Variants in CHD9 observed in about 807,000 individuals in gnomAD.
CHD9 encodes chromodomain helicase DNA binding protein 9.
In CHD9, 77 loss-of-function variants were observed where a neutral mutation model predicts 316.1. The observed-to-expected ratio is 0.24, with a 90% CI of 0.20 to 0.29. CHD9 has a LOEUF of 0.29. Ranked by LOEUF, CHD9 falls within the 10% of genes least tolerant of loss-of-function variation. The pLI, the probability that CHD9 is intolerant of heterozygous loss-of-function variation, is 1.00. For missense variants in CHD9, 2,763 were observed against 3,438.1 expected (o/e 0.80, Z 4.91); for synonymous variants, 1,129 against 1,158.3 (o/e 0.97, Z 0.51).
At chr16:53,071,591 G>T (rs1461024075) in intron 1 of CHD9, among the ~76,000 whole-genome samples, 2 of 152,156 alleles carry the variant, frequency 1.3e-5, no homozygotes, top group Non-Finnish European at 2.9e-5. Flanking sequence ...TTCCCAGAAA[G>T]TGATTCTGAG....
At chr16:53,154,219 T>G (rs1178153581) in intron 1 of CHD9, among the ~76,000 whole-genome samples, 3 of 152,206 alleles carry the variant, frequency 2.0e-5, no homozygotes, top group Non-Finnish European at 4.4e-5. Context: ...TATCCTAAAT[T>G]TAAATTTTCA....
At chr16:53,146,250 G>A (rs112634488) in intron 1 of CHD9, among the ~76,000 whole-genome samples, 4,558 of 144,530 alleles carry the variant, frequency 0.032, 90 homozygotes, top group Middle Eastern at 0.067. Flanking sequence ...AAAATTAGTC[G>A]GGCATTGTGA....
chr16:53,127,977 G>A (rs1042553423), intron 1 of CHD9, among the ~76,000 whole-genome samples: 1 of 150,470 alleles, frequency 6.6e-6, no homozygotes, highest in Non-Finnish European at 1.5e-5. Flanking sequence ...CTCATAGAGT[G>A]GTTGTGAAGA....
chr16:53,280,329 T>G (rs1374562723), intron 24 of CHD9, among the ~76,000 whole-genome samples: 1 of 152,178 alleles, frequency 6.6e-6, no homozygotes, highest in African/African-American at 2.4e-5. Context: ...GTATATATGA[T>G]GGAATACTAC....
chr16:53,124,185 C>A (rs1252267172), intron 1 of CHD9, among the ~76,000 whole-genome samples: 1 of 152,158 alleles, frequency 6.6e-6, no homozygotes, highest in African/African-American at 2.4e-5. Flanking sequence ...ACATTCCCAC[C>A]AGCAGTGTAC....
intron 15 of CHD9, among the ~76,000 whole-genome samples, chr16:53,246,286 C>T (rs1033889268): frequency 6.6e-6 from 1 of 152,136 alleles, no homozygotes; most frequent in Non-Finnish European, 1.5e-5. Flanking sequence ...GGGTTTTTCA[C>T]TTATTCTTGG....
chr16:53,163,064 T>TA (rs1192793541), intron 2 of CHD9, among the ~76,000 whole-genome samples: 4 of 152,088 alleles, frequency 2.6e-5, no homozygotes, highest in Non-Finnish European at 5.9e-5. Context: ...ATGGTTGTTA[T>TA]AAAAAAATGG....
Position 53,169,732 on chromosome 16 carries a change from A to G in CHD9, c.1452+12191A>G, listed in dbSNP as rs2042541205. Among the ~76,000 whole-genome samples the G allele has an allele frequency of 1.3e-5, 2 of 152,182 alleles. 1 individual carries two copies. Among genetic ancestry groups the G allele is most frequent in the South Asian group, 4.1e-4 (2 of 4,832 alleles). ...CTTTAGAATGGGAACATTCACCTCCATGAATATAAGACTTTTACCACAACC... is the reference window on the plus strand; with the variant it reads ...CTTTAGAATGGGAACATTCACCTCCGTGAATATAAGACTTTTACCACAACC... On this transcript the variant is annotated intron_variant, in intron 2 of 38. Transcript: ENST00000447540.
intron 1 of CHD9, among the ~76,000 whole-genome samples, chr16:53,129,996 T>C (rs2039147055): frequency 6.6e-6 from 1 of 152,164 alleles, no homozygotes; most frequent in Non-Finnish European, 1.5e-5. Context: ...CCCCTGCTCC[T>C]AAACCAGTAT....
intron 1 of CHD9, among the ~76,000 whole-genome samples, chr16:53,149,380 C>T (rs527475480): frequency 6.6e-6 from 1 of 152,226 alleles, no homozygotes; most frequent in African/African-American, 2.4e-5. Flanking sequence ...GTAGAACTTT[C>T]TACAACTATA....
chr16:53,079,358 A>C (rs1039751066), intron 1 of CHD9, among the ~76,000 whole-genome samples: 1 of 152,196 alleles, frequency 6.6e-6, no homozygotes, highest in African/African-American at 2.4e-5. Context: ...GTTGGATTGA[A>C]CCAATGACTT....
At chr16:53,218,637 C>T (rs1347697147) in intron 3 of CHD9, among the ~76,000 whole-genome samples, 1 of 152,134 alleles carries the variant, frequency 6.6e-6, no homozygotes, top group Non-Finnish European at 1.5e-5. Context: ...CCTCTCATTT[C>T]ATTGAAGTTT....
intron 1 of CHD9, among the ~76,000 whole-genome samples, chr16:53,120,917 A>G (rs2038699456): frequency 6.6e-6 from 1 of 152,002 alleles, no homozygotes; most frequent in Admixed American, 6.6e-5. Flanking sequence ...GAGGCAGGAG[A>G]ATCACTTGAA....
intron 18 of CHD9, among the ~76,000 whole-genome samples, chr16:53,255,006 A>G (rs138188556): frequency 7.8e-4 from 119 of 152,142 alleles, no homozygotes; most frequent in African/African-American, 2.4e-3. Context: ...CCTAATATCT[A>G]TCGGTAATAG....
chr16:53,321,296 CTAGTT>C (rs2057259855), intron 37 of CHD9: 1 of 1,339,880 alleles, frequency 7.5e-7, no homozygotes, highest in East Asian at 3.3e-5. Context: ...TTTTACTGTT[CTAGTT>C]ATTCTACTTA....
intron 2 of CHD9, among the ~76,000 whole-genome samples, chr16:53,192,190 T>C (rs2044535152): frequency 6.6e-6 from 1 of 151,924 alleles, no homozygotes; most frequent in Non-Finnish European, 1.5e-5. Flanking sequence ...AGAGTTAAAG[T>C]AGGAGTTTGA....
intron 26 of CHD9, 132 bp from the exon 27 acceptor site, chr16:53,287,825 G>A: frequency 1.5e-6 from 1 of 685,472 alleles, no homozygotes; most frequent in South Asian, 1.8e-5. Context: ...TGTGTCTTGG[G>A]CTCTTCTGGC....
chr16:53,179,400 CTATT>C (rs2043321219), intron 2 of CHD9, among the ~76,000 whole-genome samples: 1 of 152,032 alleles, frequency 6.6e-6, no homozygotes, highest in Non-Finnish European at 1.5e-5. Context: ...ATTAAAAACA[CTATT>C]TAAAATTGTT....
chr16:53,091,387 T>C (rs1262963344), intron 1 of CHD9, among the ~76,000 whole-genome samples: 1 of 152,210 alleles, frequency 6.6e-6, no homozygotes, highest in African/African-American at 2.4e-5. Flanking sequence ...GGGATGATTG[T>C]GAGGATTCAG....
Sources: allele counts gnomAD v4.1 joint callset (sites outside exome capture counted in the v4.1 genomes callset), GRCh38; gene constraint gnomAD v4.1.1; transcripts MANE v1.5; gene names NCBI Gene and HGNC (gene_info 2026-07-23, HGNC 2026-07-21).